PCM1: variants seen among roughly 807,000 people sequenced by gnomAD.
The protein encoded by PCM1 is pericentriolar material 1 protein.
PCM1 carries 157 observed loss-of-function variants against 241.9 expected under a neutral mutation model. The ratio of observed to expected loss-of-function variants is 0.65; its 90% CI spans 0.57 to 0.74. The LOEUF is 0.74. Ranked by LOEUF, PCM1 falls within the 30% of genes least tolerant of loss-of-function variation. The probability of loss-of-function intolerance (pLI) is 0.00; values close to 1 mark genes in which losing one functional copy is unlikely to be tolerated. For missense variants in PCM1, 3,478 were observed against 2,360.1 expected (o/e 1.47, Z -9.81); for synonymous variants, 1,085 against 784.9 (o/e 1.38, Z -6.39).
At chr8:17,939,180 G>C (rs1004454436) in intron 5 of PCM1, among the ~76,000 whole-genome samples, 171 bp downstream of exon 5, 2 of 152,062 alleles carry the variant, frequency 1.3e-5, no homozygotes, top group Admixed American at 1.3e-4. Flanking sequence ...GTAAATTTCT[G>C]TTTATCCAAA....
rs886312721 is a variant in PCM1, at chr8:17,939,611, G to C, written c.613-80G>C. 1.0e-5 allele frequency: 7 copies of C among 676,024 alleles called. No individual in the cohort carries two copies. In the South Asian group the frequency reaches 2.7e-4, roughly 26 times the overall value. 41.9% of individuals were successfully genotyped at this position (676,024 alleles called of 1,614,324 possible). A position where few individuals can be genotyped will look rare whatever the true frequency, so the allele number is the denominator to read the frequency against. On this transcript the variant is annotated intron_variant, in intron 5 of 38. Transcript: ENST00000325083. ...CTTCGAAATAAAAATTTGTAAAACT[G>C]TTGCTATTGAACTAATTATCCTTAG...
intron 11 of PCM1, 48 bp downstream of exon 11, chr8:17,956,825 G>C (rs1460653290): frequency 7.2e-7 from 1 of 1,393,472 alleles, no homozygotes; most frequent in African/African-American, 1.4e-5. Context: ...ATTCTGTCTT[G>C]ATACTTATAA....
intron 29 of PCM1, among the ~76,000 whole-genome samples, chr8:17,997,059 T>G (rs549151608): frequency 6.6e-6 from 1 of 152,210 alleles, no homozygotes; most frequent in African/African-American, 2.4e-5. Flanking sequence ...AATAAAGTAT[T>G]TAGTATTTCT....
At chr8:17,949,936 G>A (rs1185394413) in intron 7 of PCM1, among the ~76,000 whole-genome samples, 1 of 152,074 alleles carries the variant, frequency 6.6e-6, no homozygotes, top group Non-Finnish European at 1.5e-5. Context: ...AAATTAAGAA[G>A]ATAAAAACCA....
At chr8:17,973,571 T>A (rs1197109220) in intron 23 of PCM1, among the ~76,000 whole-genome samples, 1 of 151,980 alleles carries the variant, frequency 6.6e-6, no homozygotes, top group African/African-American at 2.4e-5. Flanking sequence ...GTACAAAAAT[T>A]AGCCGGGCAT....
Position 18,020,218 on chromosome 8 carries a change from T to C in PCM1, c.5842-5143T>C, listed in dbSNP as rs1699331812. On this transcript the variant is annotated intron_variant, in intron 36 of 38. Coordinates refer to ENST00000325083, the MANE Select transcript of PCM1 (RefSeq NM_006197.4). ...CCTTACTCAGAAACGTGGAGGAAGC[T>C]ACTGACCCATTGCTTATTATACGTT... is the stretch of plus-strand genomic sequence containing the variant. Among the ~76,000 whole-genome samples, 3 of 152,324 alleles carry C rather than the reference T, an allele frequency of 2.0e-5. No homozygotes were observed. The South Asian group carries it at 6.2e-4, about 32-fold the overall frequency.
At position 17,966,879 on chromosome 8, in the gene PCM1, G is replaced by C. The variant is rs890492437; in HGVS notation, c.3222-101G>C. 3 of 1,077,524 alleles carry C rather than the reference G, an allele frequency of 2.8e-6. No individual in the cohort carries two copies. The African/African-American group carries it at 4.8e-5, about 17-fold the overall frequency. 66.7% of individuals were successfully genotyped at this position (1,077,524 alleles called of 1,614,324 possible). A position where few individuals can be genotyped will look rare whatever the true frequency, so the allele number is the denominator to read the frequency against. On this transcript the variant is annotated intron_variant, in intron 20 of 38. Transcript: ENST00000325083. ...GTTACAGTATCAGAGCAGTTTGTCT[G>C]CATGCTTTTGAATCATTTTTTTACA...
chr8:17,985,858 A>G lies in PCM1; in HGVS notation c.4282-101A>G, dbSNP rs1210269009. 5.9e-6 allele frequency: 5 copies of G among 843,790 alleles called. No homozygotes were observed. The Admixed American group carries it at 1.3e-4, about 22-fold the overall frequency. 52.3% of individuals were successfully genotyped at this position (843,790 alleles called of 1,614,324 possible). On this transcript the variant is annotated intron_variant, in intron 25 of 38. Coordinates refer to ENST00000325083, the MANE Select transcript of PCM1 (RefSeq NM_006197.4). ...CTTAACCTGTGAGGGTAGAAACAGT[A>G]CATTTTTCCTTCCATCTGCTTTTAT...
Position 17,950,704 on chromosome 8 carries a change from A to G in PCM1, c.1051A>G (p.Asn351Asp), listed in dbSNP as rs1301745055. The G allele has an allele frequency of 6.3e-7, 1 of 1,588,064 alleles. No individual in the cohort carries two copies. Among genetic ancestry groups the G allele is most frequent in the South Asian group, 1.1e-5 (1 of 88,218 alleles). The change falls in exon 8 of 39, where the codon AAT (asparagine) becomes GAT (aspartate). Residue 351 changes from asparagine (N) to aspartate (D), a missense_variant. By Grantham distance (23) the Asn-to-Asp change is conservative (BLOSUM62 1). Transcript: ENST00000325083. ...GAATGACTTAATTCAGCGTTTTCAT[A>G]ATCAGCTTCGTGATTCTCAGGTAAC... ...ELNDLIQRFH[N>D]QLRDSQPPAV...
rs1369418494 is a variant in PCM1, at chr8:17,991,699, A to C, written c.4689A>C (p.Glu1563Asp). Reference sequence around the variant, plus strand: ...CAGGTACTACAGTTAATAATTTAGAAGGTATATATTTTTGTTTTCGGTAGG... The same window carrying C: ...CAGGTACTACAGTTAATAATTTAGACGGTATATATTTTTGTTTTCGGTAGG... The part of the protein sequence containing the change: ...AGAGTTVNNL[E>D]ETPVIENRSS... The change falls in exon 28 of 39, where the codon GAA (glutamate) becomes GAC (aspartate). Residue 1563 changes from glutamate (E) to aspartate (D), a missense_variant and splice_region_variant. Glu to Asp is a conservative substitution (Grantham distance 45). Transcript: ENST00000325083. The C allele has an allele frequency of 1.6e-5, 25 of 1,546,550 alleles. No individual in the cohort carries two copies. The highest frequency in any genetic ancestry group is 2.2e-5 in the Non-Finnish European group (25 of 1,144,690).
chr8:17,980,520 A>G (rs934155390), intron 23 of PCM1, 71 bp from the exon 24 acceptor site: 2 of 1,320,840 alleles, frequency 1.5e-6, no homozygotes, highest in East Asian at 2.3e-5. Flanking sequence ...ACTGTTACAC[A>G]ATGGAAACCG....
Position 17,976,127 on chromosome 8 carries a change from G to A in PCM1, c.3943+3440G>A, listed in dbSNP as rs1445556824. Among the ~76,000 whole-genome samples the A allele has an allele frequency of 2.6e-5, 4 of 152,130 alleles. No homozygotes were observed. In the East Asian group the frequency reaches 7.7e-4, roughly 29 times the overall value. Reference sequence around the variant, plus strand: ...ACACTAATGAAGATGGACATGAAATGGACGTGAAACATTAGGCAAGGCAAG... The same window carrying A: ...ACACTAATGAAGATGGACATGAAATAGACGTGAAACATTAGGCAAGGCAAG... On this transcript the variant is annotated intron_variant, in intron 23 of 38. Transcript: ENST00000325083.
intron 34 of PCM1, among the ~76,000 whole-genome samples, chr8:18,013,235 A>C (rs919973267): frequency 6.6e-6 from 1 of 152,146 alleles, no homozygotes; most frequent in African/African-American, 2.4e-5. Context: ...ACCGTTATAC[A>C]GGCATGCACT....
chr8:17,978,355 C>G (rs546980551), intron 23 of PCM1, among the ~76,000 whole-genome samples: 36 of 152,118 alleles, frequency 2.4e-4, no homozygotes, highest in African/African-American at 8.4e-4. Context: ...GACTGCAGAT[C>G]AGAACAGCTG....
At position 17,955,535 on chromosome 8, in the gene PCM1, C is replaced by G. The variant is rs2067915468; in HGVS notation, c.1354C>G (p.Pro452Ala). Residue 452 changes from proline (P) to alanine (A), a missense_variant, in exon 10 of 39, where the codon CCG (proline) becomes GCG (alanine). Transcript: ENST00000325083. ...SAPSASVGLA[P>A]VVNGESNSLT... ...TCCCTCTGCTTCTGTAGGCTTGGCA[C>G]CGGTTGTCAATGGAGAATCCAATAG... The G allele has an allele frequency of 1.2e-6, 2 of 1,613,690 alleles. No homozygotes were observed. The highest frequency in any genetic ancestry group is 1.7e-6 in the Non-Finnish European group (2 of 1,179,716).
At chr8:18,003,497 C>G (rs917145788) in intron 29 of PCM1, among the ~76,000 whole-genome samples, 1 of 152,146 alleles carries the variant, frequency 6.6e-6, no homozygotes, top group African/African-American at 2.4e-5. Flanking sequence ...TTTTCAGGAG[C>G]CAGCCCAAAT....
chr8:17,947,365 T>G lies in PCM1; in HGVS notation c.961+2T>G. On this transcript the variant is annotated splice_donor_variant, in intron 7 of 38. Coordinates refer to ENST00000325083, the MANE Select transcript of PCM1 (RefSeq NM_006197.4). LOFTEE classifies it high-confidence loss of function. ...CTATTGCAGTGATGGATGATTCTGG[T>G]ATGTCACAGTCTGAGAATATTCTTT... 6.3e-7 allele frequency: 1 copy of G among 1,578,916 alleles called. No individual in the cohort carries two copies. Among genetic ancestry groups the G allele is most frequent in the Non-Finnish European group, 8.6e-7 (1 of 1,161,776 alleles).
intron 29 of PCM1, among the ~76,000 whole-genome samples, chr8:18,005,056 TA>T (rs2090866420): frequency 6.6e-6 from 1 of 152,170 alleles, no homozygotes; most frequent in African/African-American, 2.4e-5. Flanking sequence ...ATCCAAGAGG[TA>T]AAATACTTTC....
intron 28 of PCM1, among the ~76,000 whole-genome samples, chr8:17,992,538 C>T (rs548792400): frequency 6.6e-6 from 1 of 151,182 alleles, no homozygotes; most frequent in East Asian, 1.9e-4. Context: ...TCAACATCAC[C>T]AAAAAGTTTT....
Sources: allele counts gnomAD v4.1 joint callset (sites outside exome capture counted in the v4.1 genomes callset), GRCh38; gene constraint gnomAD v4.1.1; transcripts MANE v1.5; gene names NCBI Gene and HGNC (gene_info 2026-07-23, HGNC 2026-07-21).